BDP1: variants seen among roughly 807,000 people sequenced by gnomAD.
The protein encoded by BDP1 is BDP1 general transcription factor IIIB subunit.
Under a neutral mutation model 266.6 loss-of-function variants are expected in BDP1, and 169 were observed. That is an observed-to-expected ratio of 0.63 (90% CI 0.56 to 0.72). BDP1 has a LOEUF of 0.72. Ranked by LOEUF, BDP1 falls within the 30% of genes least tolerant of loss-of-function variation. BDP1 has a pLI of 0.00. For missense variants in BDP1, 3,015 were observed against 3,053.8 expected, an observed-to-expected ratio of 0.99 and a Z score of 0.30; for synonymous variants, 1,090 against 1,022.4, an observed-to-expected ratio of 1.07 and a Z score of -1.26.
chr5:71,500,345 G>A (rs1200543166), intron 13 of BDP1, among the ~76,000 whole-genome samples: 1 of 28,644 alleles, frequency 3.5e-5, no homozygotes, highest in Non-Finnish European at 7.6e-5. Context: ...TTTTTTTTGA[G>A]GTTTAGTTTC....
intron 11 of BDP1, among the ~76,000 whole-genome samples, chr5:71,492,081 C>T (rs1177630651): frequency 1.3e-5 from 2 of 152,184 alleles, no homozygotes; most frequent in Non-Finnish European, 2.9e-5. Context: ...AAGGTTCATC[C>T]ATGGTGTAGC....
intron 36 of BDP1, 100 bp downstream of exon 36, chr5:71,557,025 T>C (rs1455504273): frequency 1.7e-6 from 1 of 585,018 alleles, no homozygotes; most frequent in Non-Finnish European, 2.8e-6. Context: ...GAGTATTCCT[T>C]TTCTCCAAGA....
chr5:71,462,803 A>G (rs1376577469), intron 3 of BDP1, among the ~76,000 whole-genome samples: 1 of 152,206 alleles, frequency 6.6e-6, no homozygotes, highest in Non-Finnish European at 1.5e-5. Flanking sequence ...TTACCAAGGC[A>G]TAGTGAAACC....
chr5:71,544,389 T>A lies in BDP1; in HGVS notation c.6445T>A (p.Leu2149Met), dbSNP rs1022363832. 3.1e-6 allele frequency: 5 copies of A among 1,612,618 alleles called. No homozygotes were observed. In the East Asian group the frequency reaches 1.1e-4, roughly 36 times the overall value. ...TEKNASKATELENKNLGPVTT... is the reference protein window; with the variant it reads ...TEKNASKATEMENKNLGPVTT... ...GAAAAATGCTTCCAAAGCAACAGAA[T>A]TGGAAAATAAAAACCTCGGACCAGT... is the stretch of plus-strand genomic sequence containing the variant. Residue 2149 changes from leucine to methionine, a missense_variant, in exon 31 of 39, where the codon TTG becomes ATG. Around this residue, in one of 3 missense-constraint regions of BDP1, gnomAD observed 629 missense variants for 632.5 expected, o/e 0.99. Transcript: ENST00000358731.
chr5:71,484,207 T>C (rs1159088749), intron 8 of BDP1, among the ~76,000 whole-genome samples: 2 of 152,204 alleles, frequency 1.3e-5, no homozygotes, highest in African/African-American at 4.8e-5. Context: ...TCATTGTTTC[T>C]GGAAGACAGT....
intron 7 of BDP1, among the ~76,000 whole-genome samples, chr5:71,480,825 C>T (rs1015482424): frequency 1.3e-5 from 2 of 152,140 alleles, no homozygotes; most frequent in African/African-American, 4.8e-5. Context: ...CAGCCTCCCA[C>T]AGTGCTAGGA....
intron 35 of BDP1, among the ~76,000 whole-genome samples, chr5:71,554,922 G>T (rs1469980777): frequency 6.6e-6 from 1 of 152,050 alleles, no homozygotes; most frequent in Non-Finnish European, 1.5e-5. Flanking sequence ...AACCTGAAAA[G>T]CCAAAATCTG....
intron 32 of BDP1, among the ~76,000 whole-genome samples, chr5:71,546,515 G>A (rs1481882965): frequency 6.6e-6 from 1 of 151,174 alleles, no homozygotes; most frequent in Non-Finnish European, 1.5e-5. Context: ...CTACTTGGGA[G>A]GCTGAGGTGT....
At chr5:71,525,501 T>C (rs1392960125) in intron 25 of BDP1, among the ~76,000 whole-genome samples, 171 of 77,546 alleles carry the variant, frequency 2.2e-3, no homozygotes, top group Admixed American at 3.7e-3. Context: ...CTGACACCCC[T>C]ACCTCCCTCC....
intron 37 of BDP1, among the ~76,000 whole-genome samples, chr5:71,561,183 C>T (rs776757620): frequency 1.4e-4 from 21 of 151,966 alleles, no homozygotes; most frequent in Non-Finnish European, 2.9e-4. Flanking sequence ...GGGTGGATCA[C>T]CTGAGGTTGG....
At chr5:71,496,106 G>C (rs1303508938) in intron 12 of BDP1, among the ~76,000 whole-genome samples, 1 of 151,946 alleles carries the variant, frequency 6.6e-6, no homozygotes, top group Non-Finnish European at 1.5e-5. Context: ...GCCGGGTGTG[G>C]TGGCATGCAC....
intron 7 of BDP1, among the ~76,000 whole-genome samples, chr5:71,479,628 G>C (rs1316544304): frequency 6.6e-6 from 1 of 150,444 alleles, no homozygotes; most frequent in East Asian, 2.0e-4. Flanking sequence ...CTCACTGCAA[G>C]CTCCGCCTCC....
rs377012629 is a variant in BDP1 at position 71,522,308 on chromosome 5, G to A, written c.5011G>A (p.Val1671Ile). ...TTCTAGACATGAAAATAAACCGTAT[G>A]TTCCTAGTTCAGCACAAATGACAAG... ...ETIRHENKPY[V>I]PSSAQMTRRK... Residue 1671 changes from valine to isoleucine, a missense_variant, in exon 23 of 39, where the codon GTT (valine) becomes ATT (isoleucine). Coordinates refer to ENST00000358731, the MANE Select transcript of BDP1 (RefSeq NM_018429.3). 1 of 1,613,362 alleles carries A rather than the reference G, an allele frequency of 6.2e-7. No individual in the cohort carries two copies. Among genetic ancestry groups the A allele is most frequent in the Admixed American group, 1.7e-5 (1 of 59,878 alleles).
intron 7 of BDP1, among the ~76,000 whole-genome samples, chr5:71,474,587 C>A (rs1393089199): frequency 2.6e-5 from 4 of 151,880 alleles, no homozygotes; most frequent in Admixed American, 6.6e-5. Context: ...GTGACTCACG[C>A]CTGTAATCCT....
intron 10 of BDP1, among the ~76,000 whole-genome samples, 178 bp downstream of exon 10, chr5:71,489,860 A>G (rs1452521084): frequency 6.6e-6 from 1 of 152,214 alleles, no homozygotes; most frequent in Non-Finnish European, 1.5e-5. Flanking sequence ...TATGTAAAAA[A>G]ATTAAACAAA....
intron 7 of BDP1, among the ~76,000 whole-genome samples, chr5:71,472,109 T>C (rs1762283984): frequency 6.6e-6 from 1 of 152,222 alleles, no homozygotes; most frequent in Admixed American, 6.5e-5. Context: ...AAAAATCATG[T>C]ATATTCTTTT....
At chr5:71,531,598 T>A (rs1167211163) in intron 25 of BDP1, among the ~76,000 whole-genome samples, 1 of 152,170 alleles carries the variant, frequency 6.6e-6, no homozygotes. Context: ...AACCTCCACC[T>A]CCTGGGTTCA....
Position 71,541,573 on chromosome 5 carries a change from A to G in BDP1, c.6142A>G (p.Thr2048Ala), listed in dbSNP as rs763603316. Residue 2048 changes from threonine (T) to alanine (A), a missense_variant, in exon 29 of 39, where the codon ACT (threonine) becomes GCT (alanine). Coordinates refer to ENST00000358731, the MANE Select transcript of BDP1 (RefSeq NM_018429.3). ...TCAGGAACTTTCTTCACCTGTCATTACTACATCTCCTGCATCATTTGAAGA... is the reference window on the plus strand; with the variant it reads ...TCAGGAACTTTCTTCACCTGTCATTGCTACATCTCCTGCATCATTTGAAGA... ...ECQELSSPVI[T>A]TSPASFEENK... 1 of 1,611,996 alleles carries G rather than the reference A, an allele frequency of 6.2e-7. No homozygotes were observed. The highest frequency in any genetic ancestry group is 1.3e-5 in the African/African-American group (1 of 74,870).
chr5:71,548,775 T>C (rs1021923790), intron 33 of BDP1, 30 bp downstream of exon 33: 4 of 1,438,730 alleles, frequency 2.8e-6, no homozygotes, highest in Non-Finnish European at 3.9e-6. Flanking sequence ...TGACATGTCA[T>C]AGAACTTAGT....
Sources: allele counts gnomAD v4.1 joint callset (sites outside exome capture counted in the v4.1 genomes callset), GRCh38; gene constraint gnomAD v4.1.1; regional missense constraint gnomAD v4.1.1; transcripts MANE v1.5; gene names NCBI Gene and HGNC (gene_info 2026-07-23, HGNC 2026-07-21).